Variants in MORC1 observed in about 807,000 individuals in gnomAD.
The protein encoded by MORC1 is MORC family CW-type zinc finger 1.
In MORC1, 59 loss-of-function variants were observed where a neutral mutation model predicts 134.9. The observed-to-expected ratio is 0.44, with a 90% CI of 0.35 to 0.54. The LOEUF is 0.54. MORC1 is among the 20% of genes least tolerant of loss of function. The probability of loss-of-function intolerance (pLI) is 0.00; values close to 1 mark genes in which losing one functional copy is unlikely to be tolerated. For missense variants in MORC1, 947 were observed against 1,134.5 expected (o/e 0.83, Z 2.37); for synonymous variants, 395 against 391.7 (o/e 1.01, Z -0.10).
At chr3:109,066,373 C>T (rs1389021311) in intron 9 of MORC1, among the ~76,000 whole-genome samples, 1 of 146,188 alleles carries the variant, frequency 6.8e-6, no homozygotes, top group Non-Finnish European at 1.5e-5. Flanking sequence ...GCAACCTCCA[C>T]CTCCTGGGTT....
At chr3:109,055,933 G>A (rs1181642762) in intron 13 of MORC1, among the ~76,000 whole-genome samples, 1 of 152,200 alleles carries the variant, frequency 6.6e-6, no homozygotes, top group African/African-American at 2.4e-5. Context: ...GACAGTCAAG[G>A]AAGACCTTCC....
chr3:108,971,453 A>G (rs1371843439), intron 24 of MORC1, 51 bp from the exon 25 acceptor site: 1 of 1,501,740 alleles, frequency 6.7e-7, no homozygotes, highest in African/African-American at 1.4e-5. Flanking sequence ...TAACAGAGGT[A>G]GCACTCAACT....
intron 27 of MORC1, among the ~76,000 whole-genome samples, chr3:108,960,125 C>A (rs947228401): frequency 3.3e-5 from 5 of 152,162 alleles, no homozygotes; most frequent in Non-Finnish European, 5.9e-5. Flanking sequence ...AGGAAGCTAG[C>A]AATGTCAGAC....
chr3:109,100,622 G>C, intron 4 of MORC1, 115 bp from the exon 5 acceptor site: 1 of 781,574 alleles, frequency 1.3e-6, no homozygotes, highest in East Asian at 2.6e-5. Context: ...ATAGCTCTTG[G>C]GTCAGCCCAG....
intron 8 of MORC1, among the ~76,000 whole-genome samples, chr3:109,090,642 AC>A (rs1228085654): frequency 1.0e-3 from 148 of 147,462 alleles, no homozygotes; most frequent in African/African-American, 3.7e-3. Context: ...AAAAAAAAAA[AC>A]ACGATGTCAA....
At chr3:109,103,780 T>G in intron 4 of MORC1, 69 bp downstream of exon 4, 1 of 1,373,798 alleles carries the variant, frequency 7.3e-7, no homozygotes, top group Non-Finnish European at 1.0e-6. Context: ...ATAGCTCAAT[T>G]TATTTATTTT....
At chr3:109,046,100 T>C (rs569898799) in intron 14 of MORC1, among the ~76,000 whole-genome samples, 62 of 152,328 alleles carry the variant, frequency 4.1e-4, no homozygotes, top group East Asian at 7.7e-4. Context: ...TCTATACATA[T>C]AAAAATCTAT....
At chr3:109,112,336 C>A (rs1951185034) in intron 2 of MORC1, among the ~76,000 whole-genome samples, 1 of 152,204 alleles carries the variant, frequency 6.6e-6, no homozygotes, top group East Asian at 1.9e-4. Flanking sequence ...TCTTTCAGTT[C>A]TAATTTTTAA....
chr3:109,094,794 G>T, intron 7 of MORC1, 115 bp downstream of exon 7: 1 of 979,802 alleles, frequency 1.0e-6, no homozygotes, highest in Admixed American at 4.0e-5. Flanking sequence ...TGTCCCCAGT[G>T]TGAATCCACA....
chr3:109,030,226 A>T (rs1057498358), intron 16 of MORC1, among the ~76,000 whole-genome samples: 1 of 152,210 alleles, frequency 6.6e-6, no homozygotes, highest in African/African-American at 2.4e-5. Flanking sequence ...AAATAATTAT[A>T]CTTGTCATCA....
At chr3:109,103,230 C>A (rs1950962509) in intron 4 of MORC1, among the ~76,000 whole-genome samples, 1 of 152,148 alleles carries the variant, frequency 6.6e-6, no homozygotes, top group Non-Finnish European at 1.5e-5. Context: ...CAACCCAATG[C>A]CCTCAGATGG....
chr3:108,979,577 C>T lies in MORC1; in HGVS notation c.2415G>A (p.Ser805=), dbSNP rs777002185. 1.2e-5 allele frequency: 20 copies of T among 1,613,958 alleles called. No homozygotes were observed. In the East Asian group the frequency reaches 1.6e-4, roughly 13 times the overall value. ...SVSGSCKVAS[S]PASSQSTPVK... is the part of the protein sequence containing the mutation. The stretch of plus-strand genomic sequence containing the variant: ...CAGGTGTGCTTTGAGAAGACGCTGG[C>T]GAAGAAGCAACTTTACAACTGCCAC... Residue 805 remains serine, a synonymous_variant, in exon 24 of 28, where the codon TCG becomes TCA. Coordinates refer to ENST00000232603, the MANE Select transcript of MORC1 (RefSeq NM_014429.4).
At chr3:109,014,419 T>C (rs576971833) in intron 17 of MORC1, among the ~76,000 whole-genome samples, 2 of 152,182 alleles carry the variant, frequency 1.3e-5, no homozygotes, top group South Asian at 4.1e-4. Context: ...ACCTCTTTCA[T>C]AGCCAAAACA....
chr3:108,990,732 G>A (rs1041872842), intron 21 of MORC1, among the ~76,000 whole-genome samples: 1 of 151,988 alleles, frequency 6.6e-6, no homozygotes, highest in Non-Finnish European at 1.5e-5. Flanking sequence ...CTATTGTTTA[G>A]GACAGTAACT....
intron 14 of MORC1, chr3:109,049,138 C>A: frequency 1.0e-6 from 1 of 984,728 alleles, no homozygotes; most frequent in Non-Finnish European, 1.2e-6. Context: ...CGACGTGTAT[C>A]CTTAGCAAAG....
At position 109,057,495 on chromosome 3, in the gene MORC1, ACATT is replaced by A; in HGVS notation, c.1032-13_1032-10del. 1 of 1,574,564 alleles carries A rather than the reference ACATT, an allele frequency of 6.4e-7. No individual in the cohort carries two copies. Among genetic ancestry groups the A allele is most frequent in the South Asian group, 1.2e-5 (1 of 81,910 alleles). On this transcript the variant is annotated splice_polypyrimidine_tract_variant and intron_variant, in intron 12 of 27. Coordinates refer to ENST00000232603, the MANE Select transcript of MORC1 (RefSeq NM_014429.4). ...TTGCTGTTTTTAATTCTCTAGAGTT[ACATT>A]TAAAAAGTTTAAAAAGTTGTTTATT...
At chr3:108,973,276 T>C (rs1384981675) in intron 24 of MORC1, among the ~76,000 whole-genome samples, 1 of 152,162 alleles carries the variant, frequency 6.6e-6, no homozygotes, top group Non-Finnish European at 1.5e-5. Flanking sequence ...CTGAACTGAT[T>C]TGGCCTAGTG....
At chr3:109,108,923 C>T (rs1327753038) in intron 3 of MORC1, among the ~76,000 whole-genome samples, 1 of 150,546 alleles carries the variant, frequency 6.6e-6, no homozygotes, top group Non-Finnish European at 1.5e-5. Context: ...AAAAAGACCA[C>T]ATGTCTACTT....
At chr3:109,062,422 C>CT (rs757502962) in intron 10 of MORC1, among the ~76,000 whole-genome samples, 2,575 of 138,994 alleles carry the variant, frequency 0.019, 70 homozygotes, top group African/African-American at 0.056. Flanking sequence ...GAACATCCTT[C>CT]TTTTTTTTTT....
Sources: allele counts gnomAD v4.1 joint callset (sites outside exome capture counted in the v4.1 genomes callset), GRCh38; gene constraint gnomAD v4.1.1; transcripts MANE v1.5; gene names NCBI Gene and HGNC (gene_info 2026-07-23, HGNC 2026-07-21).